The following TBC1D9 variants were observed in gnomAD, a reference collection of about 807,000 sequenced individuals.
The protein encoded by TBC1D9 is TBC1 domain family member 9A.
TBC1D9 carries 63 observed loss-of-function variants against 132.0 expected under a neutral mutation model. The ratio of observed to expected loss-of-function variants is 0.48; its 90% confidence interval spans 0.39 to 0.59. TBC1D9 has a LOEUF of 0.59. TBC1D9 is among the 20% of genes least tolerant of loss of function. The pLI is 0.00. For synonymous variants in TBC1D9, 610 were observed against 609.9 expected, an observed-to-expected ratio of 1.00 and a Z score of 0.00; for missense variants, 1,261 against 1,592.7, an observed-to-expected ratio of 0.79 and a Z score of 3.54.
At chr4:140,628,512 C>T in intron 16 of TBC1D9, 147 bp from the exon 17 acceptor site, 1 of 702,632 alleles carries the variant, frequency 1.4e-6, no homozygotes, top group South Asian at 1.7e-5. Flanking sequence ...TTTGGGTTAA[C>T]AGCTCAGGAA....
In TBC1D9 at chr4:140,631,283, C is replaced by T. The variant is rs1038500059; in HGVS notation, c.2746+2665G>A. Among the ~76,000 whole-genome samples the T allele has an allele frequency of 2.6e-5, 4 of 152,164 alleles. No individual in the cohort carries two copies. The South Asian group carries it at 8.3e-4, about 32-fold the overall frequency. On this transcript the variant is annotated intron_variant, in intron 16 of 20. Coordinates refer to ENST00000442267, the MANE Select transcript of TBC1D9 (RefSeq NM_015130.3). ...TGTTGCCCAGGCTGGAGTGCAGTGG[C>T]ACGATCTCGGCTCACTGCAACCTCT...
chr4:140,642,912 T>C (rs1453811147), intron 13 of TBC1D9: 3 of 591,352 alleles, frequency 5.1e-6, no homozygotes, highest in Non-Finnish European at 8.8e-6. Flanking sequence ...GTCCTCGGAG[T>C]CCCGGCGCCG....
chr4:140,684,188 GCCTAGGAGTTCAAGA>G (rs1258637817), intron 3 of TBC1D9, among the ~76,000 whole-genome samples: 1 of 151,280 alleles, frequency 6.6e-6, no homozygotes, highest in Non-Finnish European at 1.5e-5. Context: ...GATTGCTTGA[GCCTAGGAGTTCAAGA>G]CCAGTCTGGG....
intron 3 of TBC1D9, 104 bp downstream of exon 3, chr4:140,686,240 G>T (rs1737777260): frequency 1.5e-6 from 1 of 680,914 alleles, no homozygotes; most frequent in African/African-American, 1.8e-5. Context: ...AGGTGAATTT[G>T]GGCAAAGGGT....
At chr4:140,688,051 T>G (rs974513679) in intron 2 of TBC1D9, among the ~76,000 whole-genome samples, 4 of 151,748 alleles carry the variant, frequency 2.6e-5, no homozygotes, top group Admixed American at 6.6e-5. Context: ...ATCACACCAC[T>G]GCACTCCAGC....
chr4:140,644,840 G>C, intron 13 of TBC1D9: 2 of 424,570 alleles, frequency 4.7e-6, no homozygotes, highest in East Asian at 1.2e-4. Flanking sequence ...TGATCTCTGG[G>C]AATGACCAAC....
chr4:140,642,784 C>T (rs138311742), intron 13 of TBC1D9: 2 of 634,852 alleles, frequency 3.2e-6, no homozygotes, highest in East Asian at 2.6e-5. Flanking sequence ...ATTTGCTGCT[C>T]AGCTTTCCGC....
chr4:140,689,516 C>G (rs1374117590), intron 2 of TBC1D9, among the ~76,000 whole-genome samples: 1 of 80,178 alleles, frequency 1.2e-5, no homozygotes, highest in African/African-American at 5.2e-5. Context: ...TCCCTTCCCC[C>G]TTTTCCCTTC....
At chr4:140,643,327 G>T (rs1031740559) in intron 13 of TBC1D9, 2 of 1,340,544 alleles carry the variant, frequency 1.5e-6, no homozygotes, top group Non-Finnish European at 2.1e-6. Flanking sequence ...GCAGCTTCCT[G>T]CTTCTCCAAG....
intron 1 of TBC1D9, among the ~76,000 whole-genome samples, chr4:140,750,539 A>G (rs1008779206): frequency 2.6e-5 from 4 of 152,084 alleles, no homozygotes; most frequent in Non-Finnish European, 4.4e-5. Context: ...CATAATATAC[A>G]ACAGAGTGAA....
chr4:140,737,131 C>T (rs1209639366), intron 1 of TBC1D9, among the ~76,000 whole-genome samples: 5 of 152,088 alleles, frequency 3.3e-5, no homozygotes, highest in African/African-American at 9.7e-5. Context: ...GTAGGGTTGG[C>T]GCTATTAGAA....
At position 140,726,243 on chromosome 4, in the gene TBC1D9, T is replaced by G. The variant is rs916501287; in HGVS notation, c.131-24629A>C. Among the ~76,000 whole-genome samples, 4 of 151,914 alleles carry G rather than the reference T, an allele frequency of 2.6e-5. No homozygotes were observed. The South Asian group carries it at 8.3e-4, about 32-fold the overall frequency. Reference sequence around the variant, plus strand: ...GGTGGAGGCTGCAGTGAGCCAAGACTGCACCACTGAACTCCACCCTGGGCG... The same window carrying G: ...GGTGGAGGCTGCAGTGAGCCAAGACGGCACCACTGAACTCCACCCTGGGCG... On this transcript the variant is annotated intron_variant, in intron 1 of 20. Transcript: ENST00000442267.
rs150392097 is a variant in TBC1D9 at position 140,699,622 on chromosome 4, G to T, written c.241+1882C>A. Among the ~76,000 whole-genome samples, 1,026 of 152,200 alleles carry T rather than the reference G, an allele frequency of 6.7e-3. 15 individuals carry two copies. The highest frequency in any genetic ancestry group is 0.024 in the African/African-American group (985 of 41,514). On this transcript the variant is annotated intron_variant, in intron 2 of 20. Coordinates refer to ENST00000442267, the MANE Select transcript of TBC1D9 (RefSeq NM_015130.3). ...GATCAGTATCTTTCAAAACTGTCAA[G>T]ATCATCCAAGCCCAGGAAAATCTGA...
At position 140,622,099 on chromosome 4, in the gene TBC1D9, T is replaced by A; in HGVS notation, c.*96A>T. On this transcript the variant is annotated 3_prime_UTR_variant, in exon 21 of 21. Transcript: ENST00000442267. Reference sequence around the variant, plus strand: ...GCTTCAAGCCAGGTACTAATAAATATTTAATTTAAAAGAAAGAAAGAAAAA... The same window carrying A: ...GCTTCAAGCCAGGTACTAATAAATAATTAATTTAAAAGAAAGAAAGAAAAA... The A allele has an allele frequency of 6.9e-7, 1 of 1,452,954 alleles. No individual in the cohort carries two copies. Among genetic ancestry groups the A allele is most frequent in the Non-Finnish European group, 9.1e-7 (1 of 1,095,552 alleles). 90.0% of individuals were successfully genotyped at this position (1,452,954 alleles called of 1,614,324 possible).
At chr4:140,744,126 T>TG (rs1030684000) in intron 1 of TBC1D9, among the ~76,000 whole-genome samples, 2 of 151,772 alleles carry the variant, frequency 1.3e-5, no homozygotes, top group Admixed American at 1.3e-4. Context: ...GGGATGGAGG[T>TG]GGGGGGGATT....
At chr4:140,738,669 T>C (rs531968329) in intron 1 of TBC1D9, among the ~76,000 whole-genome samples, 4 of 152,322 alleles carry the variant, frequency 2.6e-5, no homozygotes, top group African/African-American at 9.6e-5. Context: ...ACCCTCACAA[T>C]AAGCATGAAT....
At position 140,708,340 on chromosome 4, in the gene TBC1D9, C is replaced by T. The variant is rs182015335; in HGVS notation, c.131-6726G>A. Among the ~76,000 whole-genome samples, 201 of 152,308 alleles carry T rather than the reference C, an allele frequency of 1.3e-3. 2 individuals carry two copies. The highest frequency in any genetic ancestry group is 2.2e-3 in the Non-Finnish European group (151 of 68,036). The stretch of plus-strand genomic sequence containing the variant: ...CCAAACTCATATCTGAAACTGCTTA[C>T]CTTGGGAAATCAATTTCTCCAATTT... On this transcript the variant is annotated intron_variant, in intron 1 of 20. Coordinates refer to ENST00000442267, the MANE Select transcript of TBC1D9 (RefSeq NM_015130.3).
chr4:140,648,994 T>G (rs1006780137), intron 13 of TBC1D9, among the ~76,000 whole-genome samples: 3 of 152,194 alleles, frequency 2.0e-5, no homozygotes, highest in African/African-American at 7.2e-5. Context: ...TACTTTATCC[T>G]TCAAAGCTTA....
intron 15 of TBC1D9, among the ~76,000 whole-genome samples, chr4:140,635,482 A>G (rs924680715): frequency 3.3e-5 from 5 of 152,136 alleles, no homozygotes; most frequent in Admixed American, 2.6e-4. Context: ...ACCCTGTCTT[A>G]AAAAAATAAA....
Sources: gnomAD v4.1 joint callset for allele counts (sites outside exome capture counted in the v4.1 genomes callset) on GRCh38, gnomAD v4.1.1 for gene constraint, MANE v1.5 for transcripts, NCBI Gene and HGNC (gene_info 2026-07-23, HGNC 2026-07-21) for gene names.